Variants in ILK observed in about 807,000 individuals in gnomAD.
The protein encoded by ILK is scaffold protein ILK.
ILK carries 37 observed loss-of-function variants against 57.8 expected under a neutral mutation model. The ratio of observed to expected loss-of-function variants is 0.64; its 90% CI spans 0.49 to 0.84. The LOEUF (loss-of-function observed/expected upper bound fraction) is 0.84, where lower values mean the gene tolerates loss of function less well. Ranked by LOEUF, ILK falls within the 40% of genes least tolerant of loss-of-function variation. ILK has a pLI of 0.00. For missense variants in ILK, 528 were observed against 595.7 expected (o/e 0.89, Z 1.18); for synonymous variants, 231 against 202.2 (o/e 1.14, Z -1.21).
intron 9 of ILK, 28 bp from the exon 10 acceptor site, chr11:6,609,695 TG>T: frequency 6.2e-7 from 1 of 1,614,216 alleles, no homozygotes. Flanking sequence ...GGAGCCTCTC[TG>T]AACTATTTGA....
In ILK at chr11:6,608,888, G is replaced by A; in HGVS notation, c.453G>A (p.Arg151=). ...TAGGTTGTTTTTCTTCCCTAGAGCGGGCAGAGAAGATGGGCCAGAATCTCA... is the reference window on the plus strand; with the variant it reads ...TAGGTTGTTTTTCTTCCCTAGAGCGAGCAGAGAAGATGGGCCAGAATCTCA... The part of the protein sequence containing the change: ...KAPLRELLRE[R]AEKMGQNLNR... Residue 151 remains arginine (R), a synonymous_variant, in exon 6 of 13, where the codon CGG becomes CGA. Transcript: ENST00000299421. This position sits in a 1 kb window ranked among gnomAD's most constrained non-coding sequence, Gnocchi z 4.9. The A allele has an allele frequency of 6.2e-7, 1 of 1,614,200 alleles. No individual in the cohort carries two copies. Among genetic ancestry groups the A allele is most frequent in the Non-Finnish European group, 8.5e-7 (1 of 1,180,038 alleles).
intron 2 of ILK, chr11:6,606,557 A>C (rs1473806926): frequency 2.1e-5 from 3 of 142,476 alleles, no homozygotes; most frequent in African/African-American, 7.6e-5. Flanking sequence ...CCTAGCATCT[A>C]GGAAGACTCT....
intron 2 of ILK, among the ~76,000 whole-genome samples, chr11:6,605,366 G>A (rs946476631): frequency 1.3e-5 from 2 of 148,618 alleles, no homozygotes; most frequent in South Asian, 2.2e-4. Context: ...AGGAGCAACC[G>A]CAAGTTGAAA....
In ILK at chr11:6,608,435, C is replaced by T. The variant is rs1043388; in HGVS notation, c.297C>T (p.His99=). Residue 99 remains histidine, a synonymous_variant, in exon 4 of 13, where the codon CAC becomes CAT. Coordinates refer to ENST00000299421, the MANE Select transcript of ILK (RefSeq NM_004517.4). This position sits in a 1 kb window ranked among gnomAD's most constrained non-coding sequence, Gnocchi z 4.9. The part of the protein sequence containing the change: ...YKADINAVNE[H]GNVPLHYACF... ...CAGACATCAATGCAGTGAATGAACA[C>T]GGGAATGTGCCCCTGCACTATGCCT... 0.26 allele frequency: 420,212 copies of T among 1,613,042 alleles called. 56,066 individuals carry two copies. Among genetic ancestry groups the T allele is most frequent in the African/African-American group, 0.38 (28,557 of 74,912 alleles).
At position 6,609,395 on chromosome 11, in the gene ILK, T is replaced by G. The variant is rs776545789; in HGVS notation, c.715T>G (p.Cys239Gly). Residue 239 changes from cysteine (C) to glycine (G), a missense_variant, in exon 8 of 13, where the codon TGT (cysteine) becomes GGT (glycine). By Grantham distance (159) the Cys-to-Gly change is radical. Transcript: ENST00000299421. Reference protein sequence around the residue: ...TRKSRDFNEECPRLRIFSHPN... With the variant: ...TRKSRDFNEEGPRLRIFSHPN... ...GAAGAGCAGGGACTTCAATGAAGAG[T>G]GTCCCCGGCTCAGGTAGTGCAAGGC... is the stretch of plus-strand genomic sequence containing the variant. The G allele has an allele frequency of 6.2e-7, 1 of 1,613,618 alleles. No homozygotes were observed. The highest frequency in any genetic ancestry group is 2.2e-5 in the East Asian group (1 of 44,870).
intron 12 of ILK, 24 bp downstream of exon 12, chr11:6,610,302 T>G (rs1408131263): frequency 1.2e-6 from 2 of 1,613,978 alleles, no homozygotes; most frequent in Non-Finnish European, 1.7e-6. Context: ...AGCATACATT[T>G]GTGTTGCGGG....
chr11:6,609,917 T>C lies in ILK; in HGVS notation c.979-19T>C, dbSNP rs1855329468. The stretch of plus-strand genomic sequence containing the variant: ...CCTATCTATGACTTACCTCCTTCTA[T>C]CTGTTTTCTCTTCCTCAGATTGATG... On this transcript the variant is annotated intron_variant, in intron 10 of 12. Transcript: ENST00000299421. 6.2e-7 allele frequency: 1 copy of C among 1,614,022 alleles called. No individual in the cohort carries two copies. Among genetic ancestry groups the C allele is most frequent in the Admixed American group, 1.7e-5 (1 of 60,014 alleles).
chr11:6,608,561 C>A lies in ILK; in HGVS notation c.351+72C>A. 1 of 1,405,426 alleles carries A rather than the reference C, an allele frequency of 7.1e-7. No homozygotes were observed. Among genetic ancestry groups the A allele is most frequent in the Non-Finnish European group, 1.0e-6 (1 of 990,014 alleles). The allele number at this position is 1,405,426 out of a possible 1,614,324, so 87.1% of individuals were successfully genotyped here. On this transcript the variant is annotated intron_variant, in intron 4 of 12. Transcript: ENST00000299421. This position sits in a 1 kb window ranked among gnomAD's most constrained non-coding sequence, Gnocchi z 4.9. The stretch of plus-strand genomic sequence containing the variant: ...TGAGCCTTGGTGGGAGATTTTGGAA[C>A]CCTCAACCCATTCTGTCAGTACTAC...
At chr11:6,604,732 TG>T in intron 2 of ILK, 2 of 476,400 alleles carry the variant, frequency 4.2e-6, no homozygotes, top group South Asian at 3.4e-5. Flanking sequence ...GACATAAGAC[TG>T]TAGAGGTCTC....
rs751035884 is a variant in ILK, at chr11:6,609,746, G to A, written c.879G>A (p.Gln293=). Residue 293 remains glutamine, a synonymous_variant, in exon 10 of 13, where the codon CAG becomes CAA. Coordinates refer to ENST00000299421, the MANE Select transcript of ILK (RefSeq NM_004517.4). The stretch of plus-strand genomic sequence containing the variant: ...CAGATTTCGTCGTGGACCAGAGCCA[G>A]GCTGTGAAGTTTGCTTTGGACATGG... ...EGTNFVVDQS[Q]AVKFALDMAR... 4 of 1,614,096 alleles carry A rather than the reference G, an allele frequency of 2.5e-6. No individual in the cohort carries two copies. The African/African-American group carries it at 5.3e-5, about 22-fold the overall frequency.
chr11:6,604,706 A>G, intron 2 of ILK: 1 of 468,060 alleles, frequency 2.1e-6, no homozygotes, highest in South Asian at 1.9e-5. Flanking sequence ...CATTGGGTAC[A>G]AGAGGAAAAG....
At position 6,608,594 on chromosome 11, in the gene ILK, C is replaced by A; in HGVS notation, c.352-100C>A. On this transcript the variant is annotated intron_variant, in intron 4 of 12. Transcript: ENST00000299421. This position sits in a 1 kb window ranked among gnomAD's most constrained non-coding sequence, Gnocchi z 4.9. Reference sequence around the variant, plus strand: ...CCATTCTGTCAGTACTACTGTGTGACACTTACAGGATTAAGTTCTACATTT... The same window carrying A: ...CCATTCTGTCAGTACTACTGTGTGAAACTTACAGGATTAAGTTCTACATTT... 2.3e-6 allele frequency: 3 copies of A among 1,330,372 alleles called. No individual in the cohort carries two copies. The highest frequency in any genetic ancestry group is 2.2e-6 in the Non-Finnish European group (2 of 921,386). The allele number at this position is 1,330,372 out of a possible 1,614,324, so 82.4% of individuals were successfully genotyped here. A position where few individuals can be genotyped will look rare whatever the true frequency, so the allele number is the denominator to read the frequency against.
chr11:6,604,078 G>T, intron 1 of ILK, 102 bp from the exon 2 acceptor site: 1 of 643,918 alleles, frequency 1.6e-6, no homozygotes, highest in Non-Finnish European at 2.8e-6. Flanking sequence ...AGAGGACACA[G>T]CCAGGGATCA....
At chr11:6,603,971 C>T in intron 1 of ILK, 149 bp downstream of exon 1, 1 of 532,038 alleles carries the variant, frequency 1.9e-6, no homozygotes, top group Non-Finnish European at 3.4e-6. Flanking sequence ...ACTCTGTTCG[C>T]GGATAGGGTC....
intron 2 of ILK, among the ~76,000 whole-genome samples, chr11:6,605,160 T>G (rs557930183): frequency 6.6e-6 from 1 of 152,192 alleles, no homozygotes. Context: ...AAATGTTGAG[T>G]GTGTTGTTGG....
rs369548641 is a variant in ILK, at chr11:6,610,654, G to A, written c.*43G>A. 3.1e-6 allele frequency: 5 copies of A among 1,612,652 alleles called. No homozygotes were observed. The highest frequency in any genetic ancestry group is 1.7e-5 in the Admixed American group (1 of 60,000). On this transcript the variant is annotated 3_prime_UTR_variant, in exon 13 of 13. Transcript: ENST00000299421. ...CTGAACTCCAGAGGTGTCGGGACAT[G>A]GTTGGGGGAATGCACCTCCCCAAAG...
At chr11:6,603,895 C>G (rs1414932880) in intron 1 of ILK, 73 bp downstream of exon 1, 1 of 431,126 alleles carries the variant, frequency 2.3e-6, no homozygotes, top group Non-Finnish European at 4.3e-6. Context: ...ACGGAGCCAA[C>G]CCTGGGGAGG....
intron 2 of ILK, 82 bp downstream of exon 2, chr11:6,604,442 G>A (rs1006429489): frequency 1.9e-4 from 247 of 1,304,890 alleles, no homozygotes; most frequent in Non-Finnish European, 2.4e-4. Flanking sequence ...TCTGGTGGTG[G>A]CGGCTGCCTT....
intron 2 of ILK, 182 bp downstream of exon 2, chr11:6,604,542 G>T: frequency 1.5e-6 from 1 of 676,998 alleles, no homozygotes; most frequent in Non-Finnish European, 2.7e-6. Flanking sequence ...CTTGACTGCA[G>T]AATAAGAGTT....
Sources: allele counts gnomAD v4.1 joint callset (sites outside exome capture counted in the v4.1 genomes callset), GRCh38; gene constraint gnomAD v4.1.1; non-coding constraint Gnocchi (gnomAD v3.1); transcripts MANE v1.5; gene names NCBI Gene and HGNC (gene_info 2026-07-23, HGNC 2026-07-21).